FCHSD2: variants seen among roughly 807,000 people sequenced by gnomAD.
FCHSD2 encodes F-BAR and double SH3 domains protein 2.
In FCHSD2, 38 loss-of-function variants were observed where a neutral mutation model predicts 108.1. That is an observed-to-expected ratio of 0.35 (90% CI 0.27 to 0.46). The LOEUF is 0.46. Ranked by LOEUF, FCHSD2 falls within the 20% of genes least tolerant of loss-of-function variation. FCHSD2 has a pLI of 1.00. For missense variants in FCHSD2, 751 were observed against 897.8 expected, an observed-to-expected ratio of 0.84 and a Z score of 2.09; for synonymous variants, 279 against 314.7, an observed-to-expected ratio of 0.89 and a Z score of 1.20.
chr11:72,924,441 C>CTT (rs536513005), intron 8 of FCHSD2, among the ~76,000 whole-genome samples: 178 of 138,278 alleles, frequency 1.3e-3, no homozygotes, highest in East Asian at 3.3e-3. Context: ...CCACACCCGG[C>CTT]TTTTTTTTTT....
Position 73,057,075 on chromosome 11 carries a change from T to C in FCHSD2, c.165+26620A>G, listed in dbSNP as rs558343715. The stretch of plus-strand genomic sequence containing the variant: ...TCTAGCCTGGGCGACAGAGCAAGAC[T>C]CCGACTCAAAAACTAAAAAATAAAA... On this transcript the variant is annotated intron_variant, in intron 3 of 19. Coordinates refer to ENST00000409418, the MANE Select transcript of FCHSD2 (RefSeq NM_014824.3). Among the ~76,000 whole-genome samples, 4 of 152,166 alleles carry C rather than the reference T, an allele frequency of 2.6e-5. No individual in the cohort carries two copies. The South Asian group carries it at 8.3e-4, about 32-fold the overall frequency.
At chr11:72,863,110 T>C (rs1029669384) in intron 13 of FCHSD2, among the ~76,000 whole-genome samples, 2 of 152,062 alleles carry the variant, frequency 1.3e-5, no homozygotes, top group Non-Finnish European at 2.9e-5. Flanking sequence ...TTTTTTTCTT[T>C]TTTTAGAGAC....
intron 2 of FCHSD2, among the ~76,000 whole-genome samples, chr11:73,134,113 T>C (rs890314623): frequency 1.3e-5 from 2 of 150,796 alleles, no homozygotes; most frequent in African/African-American, 2.5e-5. Context: ...AAAAAAAAAC[T>C]CTAGACCAGA....
intron 8 of FCHSD2, among the ~76,000 whole-genome samples, chr11:72,965,013 T>C (rs1196638659): frequency 6.6e-6 from 1 of 152,102 alleles, no homozygotes; most frequent in African/African-American, 2.4e-5. Flanking sequence ...ATGGTCTCAA[T>C]TTCCCAACCT....
intron 3 of FCHSD2, among the ~76,000 whole-genome samples, chr11:73,066,076 G>C (rs1186438999): frequency 2.6e-5 from 4 of 152,148 alleles, no homozygotes; most frequent in Non-Finnish European, 5.9e-5. Context: ...AACAAAGCTG[G>C]AGGCATCACG....
intron 19 of FCHSD2, 126 bp downstream of exon 19, chr11:72,840,751 C>T (rs1860899986): frequency 1.5e-6 from 1 of 677,434 alleles, no homozygotes; most frequent in African/African-American, 1.8e-5. Flanking sequence ...TTTTACCTTC[C>T]CAAACCCAGT....
At chr11:73,091,309 C>T (rs1334782284) in intron 2 of FCHSD2, among the ~76,000 whole-genome samples, 4 of 152,082 alleles carry the variant, frequency 2.6e-5, no homozygotes, top group Admixed American at 1.3e-4. Context: ...GAGGCCAAGG[C>T]GGGCAGATCA....
chr11:72,902,213 G>A (rs553921920), intron 10 of FCHSD2, among the ~76,000 whole-genome samples: 2 of 151,986 alleles, frequency 1.3e-5, no homozygotes, highest in Admixed American at 1.3e-4. Flanking sequence ...TCTGTGGAGG[G>A]GTACAACATA....
chr11:73,000,401 C>T (rs988486307), intron 5 of FCHSD2, among the ~76,000 whole-genome samples: 4 of 152,122 alleles, frequency 2.6e-5, no homozygotes, highest in African/African-American at 4.8e-5. Context: ...CAACAGCCAA[C>T]TTTTCTAAAA....
At position 73,095,552 on chromosome 11, in the gene FCHSD2, C is replaced by T. The variant is rs571914629; in HGVS notation, c.120-11812G>A. On this transcript the variant is annotated intron_variant, in intron 2 of 19. Coordinates refer to ENST00000409418, the MANE Select transcript of FCHSD2 (RefSeq NM_014824.3). ...TATGATCTCCAATAAAACTAGGAAA[C>T]ATATGTATGGACATATAAGGGAATG... 3.3e-5 allele frequency among the ~76,000 whole-genome samples: 5 copies of T among 152,130 alleles called. No homozygotes were observed. In the East Asian group the frequency reaches 7.7e-4, roughly 23 times the overall value.
At chr11:73,123,011 T>G (rs1860769723) in intron 2 of FCHSD2, among the ~76,000 whole-genome samples, 1 of 152,118 alleles carries the variant, frequency 6.6e-6, no homozygotes, top group Admixed American at 6.5e-5. Flanking sequence ...TCCTTCCTTG[T>G]CCCATCAAAA....
In FCHSD2 at chr11:72,984,208, G is replaced by A; in HGVS notation, c.585C>T (p.Ala195=). Residue 195 remains alanine, a synonymous_variant, in exon 8 of 20, where the codon GCC becomes GCT. Coordinates refer to ENST00000409418, the MANE Select transcript of FCHSD2 (RefSeq NM_014824.3). ...CTTTGGAATTACACTCAGATCGCCG[G>A]GCTTTTAACTAAAACATAGCAAAAT... ...SLQKASVKLK[A]RRSECNSKAT... The A allele has an allele frequency of 6.2e-7, 1 of 1,613,756 alleles. No homozygotes were observed. The highest frequency in any genetic ancestry group is 8.5e-7 in the Non-Finnish European group (1 of 1,179,752).
At chr11:73,127,641 T>A (rs1860889869) in intron 2 of FCHSD2, among the ~76,000 whole-genome samples, 1 of 152,172 alleles carries the variant, frequency 6.6e-6, no homozygotes, top group African/African-American at 2.4e-5. Context: ...CCTCCTCAGA[T>A]AAACAGCTTC....
intron 12 of FCHSD2, among the ~76,000 whole-genome samples, chr11:72,884,507 T>C (rs1365048521): frequency 1.3e-5 from 2 of 148,878 alleles, no homozygotes; most frequent in Admixed American, 6.7e-5. Flanking sequence ...GTTATATATA[T>C]CATATATATA....
chr11:72,930,073 T>G (rs1017682032), intron 8 of FCHSD2, among the ~76,000 whole-genome samples: 1 of 152,184 alleles, frequency 6.6e-6, no homozygotes, highest in Non-Finnish European at 1.5e-5. Context: ...AAATAATATG[T>G]TGTGAAAGTT....
intron 8 of FCHSD2, among the ~76,000 whole-genome samples, chr11:72,969,893 A>C (rs1241366943): frequency 6.6e-6 from 1 of 152,164 alleles, no homozygotes; most frequent in Non-Finnish European, 1.5e-5. Flanking sequence ...GTGAGACCTG[A>C]CCCTCATTAT....
chr11:73,016,250 C>G (rs897231328), intron 3 of FCHSD2, among the ~76,000 whole-genome samples: 15 of 151,662 alleles, frequency 9.9e-5, no homozygotes, highest in African/African-American at 3.6e-4. Flanking sequence ...CTGCAGTGAG[C>G]CGAGACTGGG....
chr11:72,844,042 G>A (rs1861049866), intron 14 of FCHSD2, among the ~76,000 whole-genome samples: 1 of 152,022 alleles, frequency 6.6e-6, no homozygotes, highest in Non-Finnish European at 1.5e-5. Flanking sequence ...GCACTTCCTG[G>A]AAGTAGAGGA....
chr11:72,848,405 T>G (rs915463026), intron 14 of FCHSD2, among the ~76,000 whole-genome samples: 2 of 152,242 alleles, frequency 1.3e-5, no homozygotes, highest in African/African-American at 2.4e-5. Context: ...TCACTGCATC[T>G]AGAAAGGTCT....
Sources: allele counts gnomAD v4.1 joint callset (sites outside exome capture counted in the v4.1 genomes callset), GRCh38; gene constraint gnomAD v4.1.1; transcripts MANE v1.5; gene names NCBI Gene and HGNC (gene_info 2026-07-23, HGNC 2026-07-21).